The following PSD3 variants were observed in gnomAD, a reference collection of about 807,000 sequenced individuals.
PSD3 encodes the protein PH and SEC7 domain-containing protein 3.
PSD3 carries 49 observed loss-of-function variants against 105.5 expected under a neutral mutation model. That is an observed-to-expected ratio of 0.46 (90% CI 0.37 to 0.59). The LOEUF is 0.59. Among genes scored for constraint, PSD3 ranks in the 20% least tolerant of loss-of-function variants. The pLI, the probability that PSD3 is intolerant of heterozygous loss-of-function variation, is 0.00. For synonymous variants in PSD3, 557 were observed against 457.8 expected (o/e 1.22, Z -2.77); for missense variants, 1,561 against 1,263.8 (o/e 1.24, Z -3.57).
At chr8:18,672,226 C>A (rs1259014233) in intron 9 of PSD3, among the ~76,000 whole-genome samples, 1 of 151,548 alleles carries the variant, frequency 6.6e-6, no homozygotes, top group African/African-American at 2.4e-5. Flanking sequence ...TTTTTAAGTA[C>A]CCAAGAAAAA....
At chr8:19,025,790 C>A (rs1202378124) in intron 1 of PSD3, among the ~76,000 whole-genome samples, 2 of 152,164 alleles carry the variant, frequency 1.3e-5, no homozygotes, top group African/African-American at 2.4e-5. Flanking sequence ...GAGAATTGGA[C>A]AATTACTTGG....
intron 4 of PSD3, among the ~76,000 whole-genome samples, chr8:18,843,789 G>A (rs1814848604): frequency 6.6e-6 from 1 of 152,098 alleles, no homozygotes. Flanking sequence ...AATGACAGTT[G>A]ACAATATTTA....
At chr8:18,720,573 A>G (rs141882829) in intron 9 of PSD3, among the ~76,000 whole-genome samples, 3 of 152,330 alleles carry the variant, frequency 2.0e-5, no homozygotes, top group Admixed American at 2.0e-4. Context: ...AATACAAAAT[A>G]CATGCAAAAT....
intron 8 of PSD3, among the ~76,000 whole-genome samples, chr8:18,765,764 C>T (rs77479157): frequency 5.9e-5 from 9 of 151,854 alleles, no homozygotes; most frequent in Admixed American, 5.2e-4. Flanking sequence ...GCAGAAAGCC[C>T]GTCCACTACT....
At chr8:18,822,665 C>G (rs1382152863) in intron 4 of PSD3, among the ~76,000 whole-genome samples, 3 of 152,180 alleles carry the variant, frequency 2.0e-5, no homozygotes, top group Non-Finnish European at 2.9e-5. Flanking sequence ...TCCCAACTAT[C>G]TGCCTCAAGA....
chr8:18,971,990 G>T (rs1337823473), intron 1 of PSD3, among the ~76,000 whole-genome samples: 1 of 151,996 alleles, frequency 6.6e-6, no homozygotes, highest in East Asian at 1.9e-4. Flanking sequence ...GGACAACACA[G>T]CAAGACTGTC....
chr8:18,818,904 A>G (rs76650124), intron 4 of PSD3, among the ~76,000 whole-genome samples: 2,021 of 152,074 alleles, frequency 0.013, 49 homozygotes, highest in African/African-American at 0.046. Flanking sequence ...GGTTGGGGGG[A>G]AAAGTCATCC....
At chr8:19,023,920 C>T (rs1486993579) in intron 1 of PSD3, among the ~76,000 whole-genome samples, 1 of 152,174 alleles carries the variant, frequency 6.6e-6, no homozygotes, top group Non-Finnish European at 1.5e-5. Flanking sequence ...AGCTTTTTAG[C>T]ACAGCACTAT....
rs371496684 is a variant in PSD3 at position 19,070,594 on chromosome 8, C to T, written c.324+13612G>A. Among the ~76,000 whole-genome samples the T allele has an allele frequency of 1.7e-4, 26 of 152,232 alleles. No individual in the cohort carries two copies. In the South Asian group the frequency reaches 5.4e-3, roughly 32 times the overall value. ...ACGGGAGGCTGAGGCAGGAGAATCGCTTAAATCTGGGAGGCGGAGGTTGCA... is the reference window on the plus strand; with the variant it reads ...ACGGGAGGCTGAGGCAGGAGAATCGTTTAAATCTGGGAGGCGGAGGTTGCA... On this transcript the variant is annotated intron_variant, in intron 1 of 1. Coordinates refer to the PSD3 transcript ENST00000521475.
intron 1 of PSD3, among the ~76,000 whole-genome samples, chr8:18,968,945 C>T (rs6586788): frequency 0.99 from 146,355 of 148,434 alleles, 72,189 homozygotes; most frequent in Middle Eastern, 1. Flanking sequence ...ACTGGGGATA[C>T]GTTTTTAAAA....
chr8:18,569,508 C>T (rs1486112402), intron 14 of PSD3, among the ~76,000 whole-genome samples: 1 of 142,290 alleles, frequency 7.0e-6, no homozygotes, highest in African/African-American at 2.6e-5. Flanking sequence ...TTCACAATTG[C>T]TTCAAAGAGA....
intron 12 of PSD3, among the ~76,000 whole-genome samples, chr8:18,581,150 T>C (rs1000509407): frequency 6.6e-6 from 1 of 152,180 alleles, no homozygotes; most frequent in Non-Finnish European, 1.5e-5. Context: ...ATGAAGTTAC[T>C]ACCCAAATGT....
intron 1 of PSD3, among the ~76,000 whole-genome samples, chr8:18,939,441 T>C (rs1822375934): frequency 2.0e-5 from 3 of 152,172 alleles, no homozygotes; most frequent in African/African-American, 4.8e-5. Flanking sequence ...GAAATATGTA[T>C]ACTCGTCCCT....
intron 2 of PSD3, among the ~76,000 whole-genome samples, chr8:18,920,453 A>G (rs950667502): frequency 1.3e-5 from 2 of 152,216 alleles, no homozygotes; most frequent in Non-Finnish European, 2.9e-5. Flanking sequence ...ATACAGCGGT[A>G]TTGAAATGGT....
chr8:18,610,761 T>C (rs7013652), intron 11 of PSD3, among the ~76,000 whole-genome samples: 1 of 152,078 alleles, frequency 6.6e-6, no homozygotes, highest in Non-Finnish European at 1.5e-5. Flanking sequence ...TGGGGTGCTG[T>C]TCATTCTGGA....
chr8:19,056,266 G>C (rs1467280647), intron 1 of PSD3, among the ~76,000 whole-genome samples: 1 of 152,158 alleles, frequency 6.6e-6, no homozygotes, highest in South Asian at 2.1e-4. Flanking sequence ...GCAGTTAATG[G>C]TTGCAGCTTT....
intron 1 of PSD3, among the ~76,000 whole-genome samples, chr8:18,980,242 C>T (rs1292330260): frequency 3.3e-5 from 5 of 152,190 alleles, no homozygotes; most frequent in Non-Finnish European, 7.3e-5. Flanking sequence ...CTGAGTAACC[C>T]AGACAGTGCT....
At chr8:18,652,471 C>T (rs1808566526) in intron 10 of PSD3, among the ~76,000 whole-genome samples, 1 of 138,492 alleles carries the variant, frequency 7.2e-6, no homozygotes, top group African/African-American at 2.7e-5. Flanking sequence ...TGTACATACA[C>T]TTTTATCAAG....
intron 4 of PSD3, among the ~76,000 whole-genome samples, chr8:18,859,818 T>G: frequency 6.6e-6 from 1 of 152,226 alleles, no homozygotes; most frequent in East Asian, 1.9e-4. Context: ...AAGGAAACGT[T>G]GTGGCTGATT....
Sources: gnomAD v4.1 joint callset for allele counts (sites outside exome capture counted in the v4.1 genomes callset) on GRCh38, gnomAD v4.1.1 for gene constraint, MANE v1.5 for transcripts, NCBI Gene and HGNC (gene_info 2026-07-23, HGNC 2026-07-21) for gene names.